The following SAMD12 variants were observed in gnomAD, a reference collection of about 807,000 sequenced individuals.
The protein encoded by SAMD12 is sterile alpha motif domain-containing protein 12.
SAMD12 carries 9 observed loss-of-function variants against 15.0 expected under a neutral mutation model. The observed-to-expected ratio is 0.60, with a 90% CI of 0.36 to 1.05. The LOEUF (loss-of-function observed/expected upper bound fraction) is 1.05. Among genes scored for constraint, SAMD12 ranks in the 50% least tolerant of loss-of-function variants. The pLI, the probability that SAMD12 is intolerant of heterozygous loss-of-function variation, is 0.01. For synonymous variants in SAMD12, 86 were observed against 90.1 expected (o/e 0.96, Z 0.25); for missense variants, 230 against 234.2 (o/e 0.98, Z 0.12).
At chr8:118,143,294 C>G in the SAMD12 span, among the ~76,000 whole-genome samples, 11 of 152,056 alleles carry the variant, frequency 7.2e-5, no homozygotes, top group Admixed American at 1.3e-4. Flanking sequence ...TATAGGACCC[C>G]AAGTCAATTT....
the SAMD12 span, among the ~76,000 whole-genome samples, chr8:118,134,424 C>G: frequency 1.3e-5 from 2 of 152,192 alleles, no homozygotes; most frequent in South Asian, 2.1e-4. Context: ...TTAATTATCC[C>G]AAATAGTTTA....
At chr8:118,554,378 T>C (rs1259442917) in intron 2 of SAMD12, among the ~76,000 whole-genome samples, 6 of 152,026 alleles carry the variant, frequency 3.9e-5, no homozygotes, top group Non-Finnish European at 5.9e-5. Context: ...TTCATGTCCT[T>C]TGTAGGGACA....
At chr8:118,225,934 C>T (rs531382156) in intron 4 of SAMD12, among the ~76,000 whole-genome samples, 7 of 152,242 alleles carry the variant, frequency 4.6e-5, no homozygotes, top group East Asian at 3.9e-4. Flanking sequence ...AGAGCAGCTT[C>T]GATCACCTCC....
At chr8:118,471,461 G>A (rs1003440471) in intron 2 of SAMD12, among the ~76,000 whole-genome samples, 3 of 152,058 alleles carry the variant, frequency 2.0e-5, no homozygotes, top group Non-Finnish European at 2.9e-5. Context: ...AGCCAATAAC[G>A]CCATCGAAAT....
intron 3 of SAMD12, among the ~76,000 whole-genome samples, chr8:118,402,611 C>G (rs1475741577): frequency 6.6e-6 from 1 of 152,156 alleles, no homozygotes; most frequent in Non-Finnish European, 1.5e-5. Context: ...GTCATTTAAC[C>G]CTTAGAGATT....
At chr8:118,176,577 A>C in the SAMD12 span, among the ~76,000 whole-genome samples, 1 of 152,286 alleles carries the variant, frequency 6.6e-6, no homozygotes, top group East Asian at 1.9e-4. Context: ...AAAACCAAAT[A>C]CTGTATGTTC....
At chr8:118,356,400 C>G (rs1818226057) in intron 4 of SAMD12, among the ~76,000 whole-genome samples, 1 of 152,184 alleles carries the variant, frequency 6.6e-6, no homozygotes, top group African/African-American at 2.4e-5. Flanking sequence ...TTTCTTAGCA[C>G]AGCTTTTCCC....
chr8:118,307,889 C>A (rs920155130), intron 4 of SAMD12, among the ~76,000 whole-genome samples: 1 of 152,130 alleles, frequency 6.6e-6, no homozygotes, highest in African/African-American at 2.4e-5. Flanking sequence ...AGGAGAAAGG[C>A]GAGGTCAGGG....
intron 3 of SAMD12, among the ~76,000 whole-genome samples, chr8:118,430,137 A>T (rs974623775): frequency 1.3e-5 from 2 of 152,200 alleles, no homozygotes; most frequent in African/African-American, 4.8e-5. Context: ...TATTGGACAT[A>T]CATTCTATAA....
intron 4 of SAMD12, among the ~76,000 whole-genome samples, chr8:118,325,598 ATC>A (rs1816529075): frequency 6.6e-6 from 1 of 152,118 alleles, no homozygotes; most frequent in Non-Finnish European, 1.5e-5. Context: ...AACACTTAAG[ATC>A]TCTCAGCAAA....
At chr8:118,607,748 A>G (rs1287913218) in intron 1 of SAMD12, among the ~76,000 whole-genome samples, 2 of 152,158 alleles carry the variant, frequency 1.3e-5, no homozygotes, top group Non-Finnish European at 2.9e-5. Context: ...TACTACAGGA[A>G]TATTTTTCAT....
chr8:118,287,203 C>A (rs1382630571), intron 4 of SAMD12, among the ~76,000 whole-genome samples: 2 of 150,846 alleles, frequency 1.3e-5, no homozygotes, highest in African/African-American at 4.9e-5. Flanking sequence ...CGGCTCACTG[C>A]AAGCTCCGCC....
intron 2 of SAMD12, among the ~76,000 whole-genome samples, chr8:118,564,213 C>T (rs183411734): frequency 1.5e-4 from 22 of 151,666 alleles, no homozygotes; most frequent in African/African-American, 4.1e-4. Flanking sequence ...ACCTGCCCGC[C>T]GACTCCTCAA....
At chr8:118,437,515 C>T (rs1399106088) in intron 3 of SAMD12, among the ~76,000 whole-genome samples, 1 of 152,054 alleles carries the variant, frequency 6.6e-6, no homozygotes, top group Non-Finnish European at 1.5e-5. Flanking sequence ...AAATGGTTAG[C>T]TTAGTGGTTT....
intron 2 of SAMD12, among the ~76,000 whole-genome samples, chr8:118,541,799 T>G (rs1825996592): frequency 1.3e-5 from 2 of 152,228 alleles, no homozygotes; most frequent in South Asian, 4.1e-4. Flanking sequence ...AAGGTACGAA[T>G]TGATCAAGGC....
At chr8:118,173,627 C>A in the SAMD12 span, among the ~76,000 whole-genome samples, 2 of 134,824 alleles carry the variant, frequency 1.5e-5, no homozygotes, top group African/African-American at 2.6e-5. Context: ...ATATACATAT[C>A]CATAACTTTT....
intron 4 of SAMD12, among the ~76,000 whole-genome samples, chr8:118,310,782 G>A (rs752751878): frequency 4.6e-5 from 7 of 152,132 alleles, no homozygotes; most frequent in African/African-American, 7.2e-5. Flanking sequence ...AATTTCCTAA[G>A]CATCTAATTC....
chr8:118,475,490 C>A (rs567906016), intron 2 of SAMD12, among the ~76,000 whole-genome samples: 1 of 152,272 alleles, frequency 6.6e-6, no homozygotes, highest in East Asian at 1.9e-4. Context: ...GCAATGCAAA[C>A]AGACTAAGAC....
intron 2 of SAMD12, among the ~76,000 whole-genome samples, chr8:118,497,968 CAGAT>C (rs1824674714): frequency 6.6e-6 from 1 of 151,462 alleles, no homozygotes; most frequent in African/African-American, 2.4e-5. Context: ...AAGGCAGAAA[CAGAT>C]GGAGAATATG....
Sources: gnomAD v4.1 joint callset for allele counts (sites outside exome capture counted in the v4.1 genomes callset) on GRCh38, gnomAD v4.1.1 for gene constraint, MANE v1.5 for transcripts, NCBI Gene and HGNC (gene_info 2026-07-23, HGNC 2026-07-21) for gene names.